Variants in NOL10 observed in about 807,000 individuals in gnomAD.
The protein encoded by NOL10 is H_NH0074G24.1.
In NOL10, 58 loss-of-function variants were observed where a neutral mutation model predicts 103.5. That is an observed-to-expected ratio of 0.56 (90% confidence interval 0.45 to 0.70). NOL10 has a LOEUF of 0.70. Among genes scored for constraint, NOL10 ranks in the 30% least tolerant of loss-of-function variants. The pLI is 0.00. For synonymous variants in NOL10, 287 were observed against 282.5 expected, an observed-to-expected ratio of 1.02 and a Z score of -0.16; for missense variants, 763 against 807.3, an observed-to-expected ratio of 0.95 and a Z score of 0.67.
intron 13 of NOL10, among the ~76,000 whole-genome samples, chr2:10,609,540 C>T (rs1191073947): frequency 6.6e-6 from 1 of 151,830 alleles, no homozygotes; most frequent in Non-Finnish European, 1.5e-5. Flanking sequence ...GCAGAGCTTG[C>T]AGTGAGCCAA....
chr2:10,669,132 G>T lies in NOL10; in HGVS notation c.465-409C>A, dbSNP rs565776102. Among the ~76,000 whole-genome samples the T allele has an allele frequency of 2.0e-5, 3 of 150,208 alleles. No homozygotes were observed. The South Asian group carries it at 6.3e-4, about 32-fold the overall frequency. ...TTTGATATGGGGTTTTGCTCTTATT[G>T]CCCAGGCTGGAGTGCAATAGCGCAA... On this transcript the variant is annotated intron_variant, in intron 6 of 20. Coordinates refer to ENST00000381685, the MANE Select transcript of NOL10 (RefSeq NM_024894.4).
At chr2:10,605,281 A>G (rs1450128337) in intron 14 of NOL10, among the ~76,000 whole-genome samples, 7 of 152,210 alleles carry the variant, frequency 4.6e-5, no homozygotes, top group Non-Finnish European at 1.5e-5. Flanking sequence ...ATACCAAGCT[A>G]TAAGATCTGC....
intron 1 of NOL10, among the ~76,000 whole-genome samples, chr2:10,686,074 T>C (rs1049385174): frequency 6.6e-6 from 1 of 151,464 alleles, no homozygotes; most frequent in South Asian, 2.1e-4. Context: ...AAAAAAAAAA[T>C]TTAAAAATCT....
chr2:10,610,248 G>A, intron 13 of NOL10, among the ~76,000 whole-genome samples: 1 of 152,178 alleles, frequency 6.6e-6, no homozygotes, highest in East Asian at 1.9e-4. Context: ...TATACTGTGT[G>A]CACTGACTTT....
chr2:10,620,706 CAT>C lies in NOL10; in HGVS notation c.1027-13397_1027-13396del, dbSNP rs140548540. Among the ~76,000 whole-genome samples, 571 of 152,270 alleles carry C rather than the reference CAT, an allele frequency of 3.7e-3. 13 individuals are homozygous for C. In the East Asian group the frequency reaches 0.066, roughly 18 times the overall value. ...AGGTAATAAACAGGATTCCCACAAACATGTGATAATATTTAGAATCTCACTAA... is the reference window on the plus strand; with the variant it reads ...AGGTAATAAACAGGATTCCCACAAACGTGATAATATTTAGAATCTCACTAA... On this transcript the variant is annotated intron_variant, in intron 13 of 20. Coordinates refer to ENST00000381685, the MANE Select transcript of NOL10 (RefSeq NM_024894.4).
chr2:10,667,868 A>C (rs1191713019), intron 7 of NOL10, among the ~76,000 whole-genome samples: 1 of 152,132 alleles, frequency 6.6e-6, no homozygotes, highest in Non-Finnish European at 1.5e-5. Context: ...ACCCAATGTG[A>C]AATAAAAAAA....
chr2:10,596,249 ATGG>A lies in NOL10; in HGVS notation c.1422+4601_1422+4603del, dbSNP rs1289898034. Among the ~76,000 whole-genome samples the A allele has an allele frequency of 3.2e-4, 11 of 34,604 alleles. 3 individuals are homozygous for A. In the Admixed American group the frequency reaches 4.1e-3, roughly 13 times the overall value. 22.7% of individuals were successfully genotyped at this position (34,604 alleles called of 152,430 possible). ...GTTTCGGAAGACAAGTTTTCCACAG[ATGG>A]TGGTGGGGGGCGGGGGGCGGGCGCG... On this transcript the variant is annotated intron_variant, in intron 17 of 20. Transcript: ENST00000381685.
chr2:10,666,412 T>A (rs1160910075), intron 8 of NOL10, among the ~76,000 whole-genome samples: 5 of 152,016 alleles, frequency 3.3e-5, no homozygotes, highest in Non-Finnish European at 5.9e-5. Flanking sequence ...AGTGGCCCAA[T>A]CTTCATTCAC....
At chr2:10,619,865 A>C (rs1393252660) in intron 13 of NOL10, among the ~76,000 whole-genome samples, 1 of 152,216 alleles carries the variant, frequency 6.6e-6, no homozygotes, top group Non-Finnish European at 1.5e-5. Context: ...ATTCCAGTGC[A>C]GTTTCCTAGA....
intron 4 of NOL10, among the ~76,000 whole-genome samples, chr2:10,675,334 C>G (rs1428401713): frequency 1.3e-5 from 2 of 151,978 alleles, no homozygotes; most frequent in East Asian, 3.9e-4. Context: ...TAGAGTGGCC[C>G]CCAGCTGACA....
At chr2:10,600,068 T>C (rs1315550022) in intron 17 of NOL10, among the ~76,000 whole-genome samples, 1 of 151,888 alleles carries the variant, frequency 6.6e-6, no homozygotes, top group African/African-American at 2.4e-5. Context: ...CAAGGTCAGC[T>C]CCTTACTCAT....
intron 17 of NOL10, among the ~76,000 whole-genome samples, chr2:10,598,646 G>A (rs1388896078): frequency 2.6e-5 from 4 of 152,168 alleles, no homozygotes; most frequent in Non-Finnish European, 5.9e-5. Context: ...AATTCATAAC[G>A]TCAAAAGAGC....
chr2:10,689,888 C>G lies in NOL10; in HGVS notation c.-27G>C. The G allele has an allele frequency of 1.3e-6, 2 of 1,589,872 alleles. No individual in the cohort carries two copies. The highest frequency in any genetic ancestry group is 1.7e-6 in the Non-Finnish European group (2 of 1,168,154). ...GCGCCGCACAACACTGTTCAAGTCC[C>G]GGGTCCTTTCCCACCAGCGTGCTCG... On this transcript the variant is annotated 5_prime_UTR_variant, in exon 1 of 21. Transcript: ENST00000381685.
chr2:10,596,989 A>G (rs1675726462), intron 17 of NOL10, among the ~76,000 whole-genome samples: 3 of 151,848 alleles, frequency 2.0e-5, no homozygotes, highest in African/African-American at 7.2e-5. Flanking sequence ...TTTTTTAAAG[A>G]GATGCTGTCT....
chr2:10,609,558 C>T lies in NOL10; in HGVS notation c.1027-2247G>A, dbSNP rs536840471. 6.8e-4 allele frequency among the ~76,000 whole-genome samples: 103 copies of T among 152,178 alleles called. 1 individual carries two copies. Among genetic ancestry groups the T allele is most frequent in the South Asian group, 2.5e-3 (12 of 4,822 alleles). On this transcript the variant is annotated intron_variant, in intron 13 of 20. Transcript: ENST00000381685. ...GAGCTTGCAGTGAGCCAAGATCACG[C>T]CACTGCACTCCAGCCTGGGCGACAG... is the stretch of plus-strand genomic sequence containing the variant.
At chr2:10,644,473 C>T in intron 12 of NOL10, 101 bp from the exon 13 acceptor site, 2 of 746,188 alleles carry the variant, frequency 2.7e-6, no homozygotes, top group Non-Finnish European at 4.2e-6. Flanking sequence ...TTCTGTTAGT[C>T]AGTGAACCAA....
chr2:10,599,019 T>C (rs959004472), intron 17 of NOL10, among the ~76,000 whole-genome samples: 6 of 152,196 alleles, frequency 3.9e-5, no homozygotes, highest in African/African-American at 1.4e-4. Context: ...TCCACCATCC[T>C]GCACTATGGG....
chr2:10,610,501 T>C (rs566181434), intron 13 of NOL10, among the ~76,000 whole-genome samples: 1 of 152,340 alleles, frequency 6.6e-6, no homozygotes, highest in African/African-American at 2.4e-5. Flanking sequence ...CAGTTGACCT[T>C]ATTAATCACA....
intron 13 of NOL10, among the ~76,000 whole-genome samples, chr2:10,608,634 T>C (rs1676385321): frequency 6.6e-6 from 1 of 152,172 alleles, no homozygotes. Flanking sequence ...TAATGGAAAT[T>C]ATTAAATCTA....
Sources: allele counts gnomAD v4.1 joint callset (sites outside exome capture counted in the v4.1 genomes callset), GRCh38; gene constraint gnomAD v4.1.1; transcripts MANE v1.5; gene names NCBI Gene and HGNC (gene_info 2026-07-23, HGNC 2026-07-21).